SRPK2: variants seen among roughly 807,000 people sequenced by gnomAD.
SRPK2 encodes SRSF protein kinase 2.
Under a neutral mutation model 90.8 loss-of-function variants are expected in SRPK2, and 21 were observed. The ratio of observed to expected loss-of-function variants is 0.23; its 90% confidence interval spans 0.16 to 0.33. The LOEUF (loss-of-function observed/expected upper bound fraction) is 0.33, where lower values mean the gene tolerates loss of function less well. SRPK2 is among the 10% of genes least tolerant of loss of function. The probability of loss-of-function intolerance (pLI) is 1.00; values close to 1 mark genes in which losing one functional copy is unlikely to be tolerated. For missense variants in SRPK2, 620 were observed against 869.0 expected (o/e 0.71, Z 3.60); for synonymous variants, 288 against 311.1 (o/e 0.93, Z 0.78).
chr7:105,319,200 T>C (rs1177972762), intron 2 of SRPK2, among the ~76,000 whole-genome samples: 3 of 152,172 alleles, frequency 2.0e-5, no homozygotes, highest in African/African-American at 7.2e-5. Flanking sequence ...TATTTTTAAA[T>C]TCTACACGTT....
intron 2 of SRPK2, chr7:105,297,398 C>G: frequency 2.2e-6 from 2 of 919,750 alleles, no homozygotes; most frequent in Non-Finnish European, 2.6e-6. Flanking sequence ...CACGTTTTCA[C>G]TATAAATTGT....
rs78777967 is a variant in SRPK2, at chr7:105,219,577, G to A, written c.72-15792C>T. On this transcript the variant is annotated intron_variant, in intron 2 of 15. Coordinates refer to ENST00000393651, the MANE Select transcript of SRPK2 (RefSeq NM_182692.3). ...CCACTCCCTGTTTACTAAGTATGAC[G>A]TTAGCTATGTGCCTAAGAACAGACT... is the stretch of plus-strand genomic sequence containing the variant. Among the ~76,000 whole-genome samples, 430 of 152,312 alleles carry A rather than the reference G, an allele frequency of 2.8e-3. 11 individuals carry two copies. In the East Asian group the frequency reaches 0.055, roughly 19 times the overall value.
In SRPK2 at chr7:105,381,244, GA is replaced by G. The variant is rs879733094; in HGVS notation, c.71+7403del. On this transcript the variant is annotated intron_variant, in intron 2 of 15. Coordinates refer to ENST00000393651, the MANE Select transcript of SRPK2 (RefSeq NM_182692.3). ...GGGTGACAGAGCAAGACTGCCTCAA[GA>G]AAAAAAAAAAAAGTTATTTCATTAA... is the stretch of plus-strand genomic sequence containing the variant. Among the ~76,000 whole-genome samples the G allele has an allele frequency of 9.4e-3, 1,248 of 133,438 alleles. 7 individuals carry two copies. The highest frequency in any genetic ancestry group is 0.012 in the Non-Finnish European group (718 of 60,968). 87.5% of individuals were successfully genotyped at this position (133,438 alleles called of 152,430 possible). A position where few individuals can be genotyped will look rare whatever the true frequency, so the allele number is the denominator to read the frequency against.
chr7:105,358,809 G>A (rs186649333), intron 2 of SRPK2, among the ~76,000 whole-genome samples: 1 of 152,126 alleles, frequency 6.6e-6, no homozygotes, highest in African/African-American at 2.4e-5. Flanking sequence ...ATAAAGAAAA[G>A]AGATGTATGT....
At chr7:105,159,448 C>CCAA (rs1807102035) in intron 7 of SRPK2, among the ~76,000 whole-genome samples, 1 of 33,144 alleles carries the variant, frequency 3.0e-5, no homozygotes, top group Non-Finnish European at 6.3e-5. Flanking sequence ...ACTCCGTCTC[C>CCAA]AAAAAAAAAA....
intron 2 of SRPK2, among the ~76,000 whole-genome samples, chr7:105,343,013 G>A (rs1216760551): frequency 6.6e-6 from 1 of 152,224 alleles, no homozygotes; most frequent in East Asian, 1.9e-4. Context: ...GGCCCTGCAG[G>A]TAGGATGTGT....
chr7:105,368,674 A>G (rs1819353458), intron 2 of SRPK2, among the ~76,000 whole-genome samples: 1 of 152,032 alleles, frequency 6.6e-6, no homozygotes, highest in South Asian at 2.1e-4. Flanking sequence ...CACTTGAGGT[A>G]AGGAGTTCAA....
At chr7:105,138,795 T>A (rs1803266755) in intron 11 of SRPK2, among the ~76,000 whole-genome samples, 1 of 152,176 alleles carries the variant, frequency 6.6e-6, no homozygotes, top group Non-Finnish European at 1.5e-5. Flanking sequence ...CAAGATCCTG[T>A]CTCAAAATAA....
chr7:105,193,015 T>A (rs983312423), intron 3 of SRPK2, among the ~76,000 whole-genome samples: 3 of 152,210 alleles, frequency 2.0e-5, no homozygotes, highest in Non-Finnish European at 4.4e-5. Context: ...TGACTCTTCC[T>A]TTTGCTGTGT....
chr7:105,328,041 G>T (rs957610242), intron 2 of SRPK2, among the ~76,000 whole-genome samples: 1 of 152,162 alleles, frequency 6.6e-6, no homozygotes, highest in Non-Finnish European at 1.5e-5. Flanking sequence ...CTCCCAAAGT[G>T]CTGGGATTAC....
At chr7:105,144,660 A>G (rs1483171061) in intron 9 of SRPK2, among the ~76,000 whole-genome samples, 2 of 152,244 alleles carry the variant, frequency 1.3e-5, no homozygotes, top group African/African-American at 2.4e-5. Flanking sequence ...TTAGCAGCCA[A>G]TCAGAAATAA....
intron 2 of SRPK2, among the ~76,000 whole-genome samples, chr7:105,241,477 G>C (rs1258051130): frequency 6.6e-6 from 1 of 152,024 alleles, no homozygotes; most frequent in African/African-American, 2.4e-5. Flanking sequence ...CCCCTCTTCA[G>C]CATCTACTTT....
At chr7:105,125,736 T>G in intron 15 of SRPK2, 1 of 875,752 alleles carries the variant, frequency 1.1e-6, no homozygotes, top group Non-Finnish European at 1.6e-6. Context: ...TTTCTCCTTT[T>G]GGGAGAAGAC....
chr7:105,279,806 C>A (rs143641328), intron 2 of SRPK2, among the ~76,000 whole-genome samples: 1 of 152,128 alleles, frequency 6.6e-6, no homozygotes, highest in African/African-American at 2.4e-5. Context: ...CAGAACAAAG[C>A]CTCTTTTACC....
At position 105,363,746 on chromosome 7, in the gene SRPK2, G is replaced by C. The variant is rs539266048; in HGVS notation, c.71+24902C>G. 2.6e-5 allele frequency among the ~76,000 whole-genome samples: 4 copies of C among 152,204 alleles called. No homozygotes were observed. In the East Asian group the frequency reaches 7.7e-4, roughly 29 times the overall value. On this transcript the variant is annotated intron_variant, in intron 2 of 15. Coordinates refer to ENST00000393651, the MANE Select transcript of SRPK2 (RefSeq NM_182692.3). The stretch of plus-strand genomic sequence containing the variant: ...CACATGCACATGTATGTTTATTATT[G>C]CGGCACTATTCACAATAGCAAAGAC...
chr7:105,304,786 A>G (rs1300674248), intron 2 of SRPK2, among the ~76,000 whole-genome samples: 1 of 152,168 alleles, frequency 6.6e-6, no homozygotes, highest in Non-Finnish European at 1.5e-5. Flanking sequence ...TATATAGACA[A>G]TCCACTGTGA....
intron 2 of SRPK2, among the ~76,000 whole-genome samples, chr7:105,246,728 A>T (rs759873666): frequency 1.1e-4 from 17 of 150,910 alleles, no homozygotes; most frequent in Non-Finnish European, 2.2e-4. Flanking sequence ...AAGCATATAT[A>T]TTTTTTTTCA....
chr7:105,131,989 GC>G (rs780229990), intron 13 of SRPK2, among the ~76,000 whole-genome samples: 39 of 152,152 alleles, frequency 2.6e-4, no homozygotes, highest in Non-Finnish European at 4.9e-4. Flanking sequence ...CAAATGCAGG[GC>G]CCTTTGTGTT....
intron 10 of SRPK2, 69 bp downstream of exon 10, chr7:105,143,015 T>G (rs567706374): frequency 1.9e-6 from 3 of 1,552,038 alleles, no homozygotes; most frequent in Non-Finnish European, 2.6e-6. Context: ...GCCCCCATGT[T>G]GACCTGGCAG....
Sources: gnomAD v4.1 joint callset for allele counts (sites outside exome capture counted in the v4.1 genomes callset) on GRCh38, gnomAD v4.1.1 for gene constraint, MANE v1.5 for transcripts, NCBI Gene and HGNC (gene_info 2026-07-23, HGNC 2026-07-21) for gene names.